Variants in POC1B observed in about 807,000 individuals in gnomAD.
POC1B encodes POC1 centriolar protein homolog B.
A neutral mutation model predicts 60.6 loss-of-function variants in POC1B; 44 were observed. The ratio of observed to expected loss-of-function variants is 0.73; its 90% confidence interval spans 0.57 to 0.93. The LOEUF (loss-of-function observed/expected upper bound fraction) is 0.93, where lower values mean the gene tolerates loss of function less well. Among genes scored for constraint, POC1B ranks in the 40% least tolerant of loss-of-function variants. The pLI, the probability that POC1B is intolerant of heterozygous loss-of-function variation, is 0.00. For synonymous variants in POC1B, 180 were observed against 198.9 expected (o/e 0.90, Z 0.80); for missense variants, 555 against 572.3 (o/e 0.97, Z 0.31).
intron 2 of POC1B, chr12:89,524,643 A>G (rs573291114): frequency 7.5e-7 from 1 of 1,336,646 alleles, no homozygotes; most frequent in African/African-American, 1.5e-5. Flanking sequence ...GGTACTTCCC[A>G]GCAGGTTCTT....
At chr12:89,490,629 G>A (rs1868914618) in intron 4 of POC1B, among the ~76,000 whole-genome samples, 1 of 152,032 alleles carries the variant, frequency 6.6e-6, no homozygotes, top group Non-Finnish European at 1.5e-5. Context: ...ACAAGCATGA[G>A]CCACCGTGCC....
At chr12:89,470,317 T>TTTATA (rs1565738653) in intron 7 of POC1B, 44 bp downstream of exon 7, 2 of 1,065,638 alleles carry the variant, frequency 1.9e-6, no homozygotes, top group African/African-American at 3.4e-5. Flanking sequence ...TATATATTAT[T>TTTATA]TTATATTTTT....
At chr12:89,415,022 A>C (rs1445851284), downstream of POC1B, among the ~76,000 whole-genome samples, 8 of 152,200 alleles carry the variant, frequency 5.3e-5, no homozygotes, top group Admixed American at 5.2e-4. Flanking sequence ...TACTTGATTC[A>C]CATTCCAAGC....
intron 10 of POC1B, 126 bp downstream of exon 10, chr12:89,459,512 C>A: frequency 1.1e-4 from 33 of 296,092 alleles, no homozygotes; most frequent in East Asian, 3.6e-4. Context: ...TTTTCCTATA[C>A]TAAAATGTTA....
intron 2 of POC1B, chr12:89,524,906 A>G (rs1221107094): frequency 1.7e-5 from 13 of 746,274 alleles, no homozygotes; most frequent in Non-Finnish European, 2.8e-5. Context: ...AGACCGCTGG[A>G]TAGGAGGCTC....
intron 2 of POC1B, among the ~76,000 whole-genome samples, chr12:89,514,496 C>T (rs1405378981): frequency 7.0e-6 from 1 of 143,158 alleles, no homozygotes; most frequent in Non-Finnish European, 1.5e-5. Context: ...GCAGCCTTTG[C>T]CTCCCGGGTT....
chr12:89,414,845 G>A (rs1249052418), downstream of POC1B, among the ~76,000 whole-genome samples: 1 of 152,064 alleles, frequency 6.6e-6, no homozygotes, highest in Non-Finnish European at 1.5e-5. Context: ...AGAATTCATG[G>A]GACTAACAGC....
chr12:89,479,710 G>C (rs2135726563), intron 4 of POC1B, among the ~76,000 whole-genome samples: 1 of 152,100 alleles, frequency 6.6e-6, no homozygotes. Flanking sequence ...TGGGCACCGA[G>C]ATAGACACAG....
At chr12:89,438,879 C>T (rs989226375) in intron 10 of POC1B, among the ~76,000 whole-genome samples, 4 of 152,218 alleles carry the variant, frequency 2.6e-5, no homozygotes, top group African/African-American at 9.7e-5. Context: ...CTGATAGGTA[C>T]TCCTGGAGGT....
intron 2 of POC1B, chr12:89,522,895 C>G (rs533855790): frequency 1.2e-6 from 2 of 1,613,626 alleles, no homozygotes; most frequent in African/African-American, 1.3e-5. Context: ...CTCCGGTGTC[C>G]GATAAGCACT....
At chr12:89,488,475 C>T (rs1209349203) in intron 4 of POC1B, among the ~76,000 whole-genome samples, 5 of 152,094 alleles carry the variant, frequency 3.3e-5, no homozygotes, top group Non-Finnish European at 5.9e-5. Flanking sequence ...TATTATACAG[C>T]TATTATTATT....
chr12:89,420,986 A>T lies in POC1B; in HGVS notation c.*167T>A. ...TTGATATGTGTTTAAATTAGTCCTT[A>T]GGTATGCCTTTTCTGCCTTTTGTTC... On this transcript the variant is annotated 3_prime_UTR_variant, in exon 12 of 12. Transcript: ENST00000313546. 4.1e-6 allele frequency: 2 copies of T among 487,544 alleles called. No individual in the cohort carries two copies. Among genetic ancestry groups the T allele is most frequent in the Non-Finnish European group, 7.4e-6 (2 of 271,622 alleles). The allele number at this position is 487,544 out of a possible 1,614,324, so 30.2% of individuals were successfully genotyped here.
intron 3 of POC1B, among the ~76,000 whole-genome samples, chr12:89,494,939 T>C (rs1869169724): frequency 1.3e-5 from 2 of 152,184 alleles, no homozygotes; most frequent in Admixed American, 6.5e-5. Context: ...CTGCACCATA[T>C]AAGCAAAACA....
chr12:89,458,494 T>C (rs1882345365), intron 10 of POC1B, among the ~76,000 whole-genome samples: 1 of 152,178 alleles, frequency 6.6e-6, no homozygotes, highest in African/African-American at 2.4e-5. Flanking sequence ...CATCAGCTCA[T>C]TGGTTACCCT....
chr12:89,437,664 G>A (rs2120707207), intron 10 of POC1B, among the ~76,000 whole-genome samples: 1 of 150,414 alleles, frequency 6.6e-6, no homozygotes, highest in Non-Finnish European at 1.5e-5. Flanking sequence ...AGCAATTTAG[G>A]CCCATATCAT....
At chr12:89,514,761 A>G (rs1160932911) in intron 2 of POC1B, among the ~76,000 whole-genome samples, 10 of 152,092 alleles carry the variant, frequency 6.6e-5, no homozygotes, top group Non-Finnish European at 1.0e-4. Flanking sequence ...CTACCTTCTA[A>G]GAGTCTACTA....
intron 2 of POC1B, among the ~76,000 whole-genome samples, chr12:89,506,778 C>T (rs907007130): frequency 1.3e-5 from 2 of 152,054 alleles, no homozygotes; most frequent in Non-Finnish European, 2.9e-5. Flanking sequence ...GGCCCTGGGC[C>T]CAAGAGAGAG....
chr12:89,490,201 GA>G (rs893892781), intron 4 of POC1B, among the ~76,000 whole-genome samples: 2 of 151,782 alleles, frequency 1.3e-5, no homozygotes, highest in African/African-American at 4.8e-5. Context: ...CTGGTGGGGA[GA>G]AAAAAAATGA....
chr12:89,503,044 T>TA (rs1023390105), intron 2 of POC1B, among the ~76,000 whole-genome samples: 6 of 152,192 alleles, frequency 3.9e-5, no homozygotes, highest in South Asian at 2.1e-4. Context: ...TGTTTTAAAA[T>TA]AAAAAAATTA....
Sources: allele counts gnomAD v4.1 joint callset (sites outside exome capture counted in the v4.1 genomes callset), GRCh38; gene constraint gnomAD v4.1.1; transcripts MANE v1.5; gene names NCBI Gene and HGNC (gene_info 2026-07-23, HGNC 2026-07-21).